RFX2: variants seen among roughly 807,000 people sequenced by gnomAD.
RFX2 encodes the protein DNA-binding protein RFX2.
Under a neutral mutation model 87.8 loss-of-function variants are expected in RFX2, and 20 were observed. That is an observed-to-expected ratio of 0.23 (90% CI 0.16 to 0.33). The LOEUF is 0.33. RFX2 is among the 10% of genes least tolerant of loss of function. The pLI is 1.00. For missense variants in RFX2, 767 were observed against 1,012.3 expected (o/e 0.76, Z 3.29); for synonymous variants, 397 against 431.3 (o/e 0.92, Z 0.98).
In RFX2 at chr19:6,021,872, G is replaced by A. The variant is rs890983599; in HGVS notation, c.597+4291C>T. Among the ~76,000 whole-genome samples the A allele has an allele frequency of 2.6e-5, 4 of 152,198 alleles. No individual in the cohort carries two copies. The highest frequency in any genetic ancestry group is 4.4e-5 in the Non-Finnish European group (3 of 68,030). ...TGCTGTGAGAAGGGGCTGGAGGCTGGGTAGGGGTGGGTGCTGACGGCTGGC... is the reference window on the plus strand; with the variant it reads ...TGCTGTGAGAAGGGGCTGGAGGCTGAGTAGGGGTGGGTGCTGACGGCTGGC... On this transcript the variant is annotated intron_variant, in intron 6 of 17. Transcript: ENST00000303657. This position sits in a 1 kb window ranked among gnomAD's most constrained non-coding sequence, Gnocchi z 5.7.
chr19:6,067,066 A>G (rs1332631476), intron 1 of RFX2, among the ~76,000 whole-genome samples: 1 of 152,210 alleles, frequency 6.6e-6, no homozygotes, highest in Non-Finnish European at 1.5e-5. Context: ...CCAAGGAGGA[A>G]CAACTCTCTC....
intron 1 of RFX2, among the ~76,000 whole-genome samples, chr19:6,088,201 G>A (rs904751383): frequency 7.3e-5 from 11 of 150,648 alleles, no homozygotes; most frequent in Admixed American, 2.0e-4. Flanking sequence ...GAAGGGCCAG[G>A]GCACTACAGC....
intron 5 of RFX2, among the ~76,000 whole-genome samples, chr19:6,033,835 TA>T (rs1555776008): frequency 6.6e-6 from 1 of 151,786 alleles, no homozygotes; most frequent in Non-Finnish European, 1.5e-5. Context: ...TATGAAGTTT[TA>T]AAAAAAAGTG....
chr19:6,001,704 T>C lies in RFX2; in HGVS notation c.1859+111A>G. Reference sequence around the variant, plus strand: ...GCGGGTTCAGACACTGCTGCAACTCTGCTGAGCCCTGTTTTGCTCTGAGCT... The same window carrying C: ...GCGGGTTCAGACACTGCTGCAACTCCGCTGAGCCCTGTTTTGCTCTGAGCT... On this transcript the variant is annotated intron_variant, in intron 15 of 17. Transcript: ENST00000303657. The surrounding 1 kb of genome is among the most constrained non-coding windows in gnomAD (Gnocchi z 5.6). 1.1e-6 allele frequency: 1 copy of C among 918,804 alleles called. No individual in the cohort carries two copies. The highest frequency in any genetic ancestry group is 1.6e-6 in the Non-Finnish European group (1 of 624,996). 56.9% of individuals were successfully genotyped at this position (918,804 alleles called of 1,614,324 possible). A position where few individuals can be genotyped will look rare whatever the true frequency, so the allele number is the denominator to read the frequency against.
At chr19:6,095,295 A>G (rs563796995) in intron 1 of RFX2, among the ~76,000 whole-genome samples, 2 of 152,330 alleles carry the variant, frequency 1.3e-5, no homozygotes, top group East Asian at 3.9e-4. Flanking sequence ...TTTACTAGAA[A>G]GTAAGCAAAA....
chr19:6,087,273 G>C (rs765695790), intron 1 of RFX2, among the ~76,000 whole-genome samples: 78 of 152,260 alleles, frequency 5.1e-4, no homozygotes, highest in Non-Finnish European at 9.9e-4. Context: ...CAGTCCACAG[G>C]TGGCTACTCC....
Position 6,045,550 on chromosome 19 carries a change from C to T in RFX2, c.91-1268G>A, listed in dbSNP as rs1342657697. Reference sequence around the variant, plus strand: ...CACCTCAGATGGGCTTCCAAGACGCCCTCCCCACTGCCATATGTGCAAGAA... The same window carrying T: ...CACCTCAGATGGGCTTCCAAGACGCTCTCCCCACTGCCATATGTGCAAGAA... On this transcript the variant is annotated intron_variant, in intron 2 of 17. Coordinates refer to ENST00000303657, the MANE Select transcript of RFX2 (RefSeq NM_000635.4). The surrounding 1 kb of genome is among the most constrained non-coding windows in gnomAD (Gnocchi z 5.2). 6.6e-6 allele frequency among the ~76,000 whole-genome samples: 1 copy of T among 152,174 alleles called. No homozygotes were observed. Among genetic ancestry groups the T allele is most frequent in the African/African-American group, 2.4e-5 (1 of 41,440 alleles).
intron 5 of RFX2, among the ~76,000 whole-genome samples, chr19:6,029,975 G>A (rs1240273186): frequency 6.6e-6 from 1 of 152,142 alleles, no homozygotes; most frequent in Non-Finnish European, 1.5e-5. Flanking sequence ...AAAATGAGCT[G>A]AGCCTAAGAA....
At chr19:6,088,621 G>T (rs962761811) in intron 1 of RFX2, among the ~76,000 whole-genome samples, 2 of 152,096 alleles carry the variant, frequency 1.3e-5, no homozygotes, top group African/African-American at 4.8e-5. Context: ...AACTGGAGAA[G>T]ATAACAAAGT....
chr19:5,999,398 C>T lies in RFX2; in HGVS notation c.1860-2185G>A, dbSNP rs972356432. 6.6e-6 allele frequency among the ~76,000 whole-genome samples: 1 copy of T among 152,110 alleles called. No individual in the cohort carries two copies. The highest frequency in any genetic ancestry group is 2.4e-5 in the African/African-American group (1 of 41,404). On this transcript the variant is annotated intron_variant, in intron 15 of 17. Transcript: ENST00000303657. This position sits in a 1 kb window ranked among gnomAD's most constrained non-coding sequence, Gnocchi z 4.1. ...GGCTGGCAGGCACCTCAGTCCTGCG[C>T]TCACTCTGCTCTTCTCAATTCTTCC...
chr19:6,002,912 AG>A lies in RFX2; in HGVS notation c.1501-43del. On this transcript the variant is annotated intron_variant, in intron 13 of 17. Coordinates refer to ENST00000303657, the MANE Select transcript of RFX2 (RefSeq NM_000635.4). The surrounding 1 kb of genome is among the most constrained non-coding windows in gnomAD (Gnocchi z 6.7). ...GTGGTGAGCAGGGGTTCGCAGGGAGAGCCTGTTCCGCTGCGCTCCTTGCAGG... is the reference window on the plus strand; with the variant it reads ...GTGGTGAGCAGGGGTTCGCAGGGAGACCTGTTCCGCTGCGCTCCTTGCAGG... 1 of 1,571,590 alleles carries A rather than the reference AG, an allele frequency of 6.4e-7. No individual in the cohort carries two copies. The highest frequency in any genetic ancestry group is 8.6e-7 in the Non-Finnish European group (1 of 1,164,312).
chr19:6,037,209 G>A (rs2144756755), intron 5 of RFX2, among the ~76,000 whole-genome samples: 1 of 151,930 alleles, frequency 6.6e-6, no homozygotes, highest in Admixed American at 6.6e-5. Flanking sequence ...ATGTGAACCT[G>A]GGAGGCGGAG....
Position 6,010,282 on chromosome 19 carries a change from G to T in RFX2, c.900-31C>A. ...CCAGGAACACGCATACCATCATGAG[G>T]CCCAGCAGCCCTGCTGCGGGTGGGC... On this transcript the variant is annotated intron_variant, in intron 8 of 17. Coordinates refer to ENST00000303657, the MANE Select transcript of RFX2 (RefSeq NM_000635.4). The surrounding 1 kb of genome is among the most constrained non-coding windows in gnomAD (Gnocchi z 5.0). 1.4e-6 allele frequency: 2 copies of T among 1,424,922 alleles called. No homozygotes were observed. Among genetic ancestry groups the T allele is most frequent in the Non-Finnish European group, 1.9e-6 (2 of 1,038,718 alleles). The allele number at this position is 1,424,922 out of a possible 1,614,324, so 88.3% of individuals were successfully genotyped here.
chr19:6,101,488 A>C lies in RFX2; in HGVS notation c.-9+8905T>G, dbSNP rs1276950720. On this transcript the variant is annotated intron_variant, in intron 1 of 17. Coordinates refer to ENST00000303657, the MANE Select transcript of RFX2 (RefSeq NM_000635.4). The surrounding 1 kb of genome is among the most constrained non-coding windows in gnomAD (Gnocchi z 4.9). ...GAAACTGCTTCTAAGGCCTTTCCCC[A>C]CAGATCACCTTTTGGACAGAAATGT... 6.6e-6 allele frequency among the ~76,000 whole-genome samples: 1 copy of C among 152,214 alleles called. No individual in the cohort carries two copies. Among genetic ancestry groups the C allele is most frequent in the East Asian group, 1.9e-4 (1 of 5,202 alleles).
At position 6,004,918 on chromosome 19, in the gene RFX2, A is replaced by G. The variant is rs1345475997; in HGVS notation, c.1403-620T>C. On this transcript the variant is annotated intron_variant, in intron 12 of 17. Transcript: ENST00000303657. The surrounding 1 kb of genome is among the most constrained non-coding windows in gnomAD (Gnocchi z 4.8). Reference sequence around the variant, plus strand: ...CGGATCACCTGAGGTCCGGAGTTCGAGACCAGCCTGGCCAACATGGTGAAA... The same window carrying G: ...CGGATCACCTGAGGTCCGGAGTTCGGGACCAGCCTGGCCAACATGGTGAAA... Among the ~76,000 whole-genome samples, 1 of 152,158 alleles carries G rather than the reference A, an allele frequency of 6.6e-6. No homozygotes were observed. Among genetic ancestry groups the G allele is most frequent in the Admixed American group, 6.5e-5 (1 of 15,270 alleles).
intron 1 of RFX2, among the ~76,000 whole-genome samples, chr19:6,088,475 T>G (rs1263583768): frequency 6.6e-6 from 1 of 152,072 alleles, no homozygotes; most frequent in Non-Finnish European, 1.5e-5. Context: ...CCTCCCAAAG[T>G]GCTGGGATTC....
intron 6 of RFX2, among the ~76,000 whole-genome samples, chr19:6,018,068 A>G (rs1209789348): frequency 6.6e-6 from 1 of 152,060 alleles, no homozygotes; most frequent in African/African-American, 2.4e-5. Context: ...CTCCACTTCC[A>G]GGCTTCAAGT....
chr19:6,006,460 A>ACTTT (rs768528375), intron 12 of RFX2, among the ~76,000 whole-genome samples: 1 of 108,570 alleles, frequency 9.2e-6, no homozygotes, highest in Non-Finnish European at 1.8e-5. Context: ...TGCCCAGCTC[A>ACTTT]TTTTTTTTTT....
At chr19:6,082,547 C>T (rs996153936) in intron 1 of RFX2, among the ~76,000 whole-genome samples, 1 of 152,102 alleles carries the variant, frequency 6.6e-6, no homozygotes, top group African/African-American at 2.4e-5. Context: ...ATCCTCCCAC[C>T]ACAGCCTCCC....
Sources: gnomAD v4.1 joint callset for allele counts (sites outside exome capture counted in the v4.1 genomes callset) on GRCh38, gnomAD v4.1.1 for gene constraint, Gnocchi (gnomAD v3.1) non-coding constraint, MANE v1.5 for transcripts, NCBI Gene and HGNC (gene_info 2026-07-23, HGNC 2026-07-21) for gene names.